TACC1: variants seen among roughly 807,000 people sequenced by gnomAD.
TACC1 encodes transforming acidic coiled-coil containing protein 1, also known as transforming acidic coiled-coil-containing protein 1.
TACC1 carries 48 observed loss-of-function variants against 84.4 expected under a neutral mutation model. The ratio of observed to expected loss-of-function variants is 0.57; its 90% CI spans 0.45 to 0.72. The LOEUF is 0.72. Among genes scored for constraint, TACC1 ranks in the 30% least tolerant of loss-of-function variants. The probability of loss-of-function intolerance (pLI) is 0.00; values close to 1 mark genes in which losing one functional copy is unlikely to be tolerated. For synonymous variants in TACC1, 372 were observed against 376.3 expected, an observed-to-expected ratio of 0.99 and a Z score of 0.13; for missense variants, 920 against 973.0, an observed-to-expected ratio of 0.95 and a Z score of 0.72.
intron 3 of TACC1, among the ~76,000 whole-genome samples, chr8:38,777,364 G>A (rs1161901877): frequency 1.3e-5 from 2 of 152,152 alleles, no homozygotes; most frequent in African/African-American, 2.4e-5. Context: ...AGCCTGGTGC[G>A]GGTTCTGTCT....
At chr8:38,765,851 A>C (rs1196773849) in intron 3 of TACC1, among the ~76,000 whole-genome samples, 3 of 152,090 alleles carry the variant, frequency 2.0e-5, no homozygotes, top group African/African-American at 7.2e-5. Flanking sequence ...AAAATAGGAC[A>C]TCTATAACTG....
chr8:38,774,444 T>C (rs1035192586), intron 3 of TACC1, among the ~76,000 whole-genome samples: 3 of 145,010 alleles, frequency 2.1e-5, no homozygotes, highest in Admixed American at 6.9e-5. Flanking sequence ...AATGAATGAA[T>C]GAACATATGT....
intron 3 of TACC1, among the ~76,000 whole-genome samples, chr8:38,821,417 A>G (rs1826785890): frequency 6.6e-6 from 1 of 152,252 alleles, no homozygotes; most frequent in African/African-American, 2.4e-5. Context: ...TCTTGTAGAA[A>G]GAAGACTTTT....
At chr8:38,770,353 G>T (rs1813332777) in intron 3 of TACC1, among the ~76,000 whole-genome samples, 1 of 152,090 alleles carries the variant, frequency 6.6e-6, no homozygotes, top group Non-Finnish European at 1.5e-5. Context: ...GAACAATCTC[G>T]AGGGGAGCGT....
rs567418540 is a variant in TACC1 at position 38,757,635 on chromosome 8, C to T, written c.26+12142C>T. On this transcript the variant is annotated intron_variant, in intron 3 of 14. Transcript: ENST00000518415. Reference sequence around the variant, plus strand: ...GACCCCACCGCGACCGGATCGCGTCCGGGCGTGACCGTGGTCCTGCCCCAG... The same window carrying T: ...GACCCCACCGCGACCGGATCGCGTCTGGGCGTGACCGTGGTCCTGCCCCAG... Among the ~76,000 whole-genome samples the T allele has an allele frequency of 9.9e-4, 150 of 152,138 alleles. 5 individuals carry two copies. In the South Asian group the frequency reaches 0.03, roughly 31 times the overall value.
intron 3 of TACC1, among the ~76,000 whole-genome samples, chr8:38,821,383 A>G (rs1241887254): frequency 6.6e-6 from 1 of 152,190 alleles, no homozygotes; most frequent in Non-Finnish European, 1.5e-5. Context: ...TAGCGTCAAT[A>G]ACGTGGGAAA....
chr8:38,756,905 C>G (rs1810153245), intron 3 of TACC1, among the ~76,000 whole-genome samples: 1 of 152,224 alleles, frequency 6.6e-6, no homozygotes, highest in Non-Finnish European at 1.5e-5. Context: ...CCCGGGGCCT[C>G]TTCCCGCGGC....
intron 3 of TACC1, among the ~76,000 whole-genome samples, chr8:38,772,698 T>C (rs573811821): frequency 6.6e-6 from 1 of 152,240 alleles, no homozygotes; most frequent in Admixed American, 6.5e-5. Context: ...TAGCAAAAGA[T>C]AATATGTATA....
intron 4 of TACC1, 33 bp from the exon 5 acceptor site, chr8:38,827,135 A>G (rs1490686669): frequency 1.3e-6 from 2 of 1,596,258 alleles, no homozygotes; most frequent in South Asian, 2.2e-5. Flanking sequence ...TTGCCCTCCT[A>G]AAGGGTAGCA....
intron 6 of TACC1, among the ~76,000 whole-genome samples, chr8:38,831,602 C>G (rs894189184): frequency 6.6e-6 from 1 of 152,082 alleles, no homozygotes; most frequent in Non-Finnish European, 1.5e-5. Context: ...CTCAAGTGAT[C>G]CTTCTACCAC....
intron 11 of TACC1, among the ~76,000 whole-genome samples, chr8:38,845,176 C>G (rs1001266537): frequency 6.6e-6 from 1 of 152,174 alleles, no homozygotes; most frequent in Non-Finnish European, 1.5e-5. Flanking sequence ...CCGCCCGCCT[C>G]GGTCTCCCAA....
At position 38,851,717 on chromosome 8, in the gene TACC1, T is replaced by G. The variant is rs1027749983; in HGVS notation, c.*3694T>G. On this transcript the variant is annotated 3_prime_UTR_variant, in exon 13 of 13. Transcript: ENST00000317827. ...TGACTTTATCCTGTTGTTAGGAAGA[T>G]AGAAACTAGGTTTTGAAAGATTACA... 1 of 315,748 alleles carries G rather than the reference T, an allele frequency of 3.2e-6. No individual in the cohort carries two copies. The highest frequency in any genetic ancestry group is 4.0e-5 in the Admixed American group (1 of 24,708). 19.6% of individuals were successfully genotyped at this position (315,748 alleles called of 1,614,324 possible). A position where few individuals can be genotyped will look rare whatever the true frequency, so the allele number is the denominator to read the frequency against.
In TACC1 at chr8:38,820,162, G is replaced by T. The variant is rs532045886; in HGVS notation, c.918G>T (p.Gly306=). 1 of 1,614,132 alleles carries T rather than the reference G, an allele frequency of 6.2e-7. No homozygotes were observed. Among genetic ancestry groups the T allele is most frequent in the South Asian group, 1.1e-5 (1 of 91,082 alleles). Residue 306 remains glycine (G), a synonymous_variant, in exon 3 of 13, where the codon GGG becomes GGT. Coordinates refer to ENST00000317827, the MANE Select transcript of TACC1 (RefSeq NM_006283.3). ...GTLSSDTNDS[G]VELGEESRSS... ...TCAGTAGTGACACCAACGACTCAGG[G>T]GTTGAGCTGGGGGAGGAGTCGAGGA...
At chr8:38,799,696 C>G (rs1820901084) in intron 2 of TACC1, 1 of 152,216 alleles carries the variant, frequency 6.6e-6, no homozygotes, top group Non-Finnish European at 1.5e-5. Context: ...TTGGCTACAT[C>G]TGTTGTGGAA....
chr8:38,846,476 C>A, intron 11 of TACC1: 5 of 428,592 alleles, frequency 1.2e-5, no homozygotes, highest in Middle Eastern at 6.6e-4. Flanking sequence ...TTATAGAAAC[C>A]ATTTGCTAGT....
intron 5 of TACC1, among the ~76,000 whole-genome samples, chr8:38,830,094 G>T (rs953556799): frequency 6.6e-6 from 1 of 152,196 alleles, no homozygotes; most frequent in African/African-American, 2.4e-5. Context: ...AGGTAGGGAG[G>T]GGGAGGTTGA....
At position 38,842,429 on chromosome 8, in the gene TACC1, T is replaced by C. The variant is rs772410412; in HGVS notation, c.2103T>C (p.Val701=). Residue 701 remains valine (V), a synonymous_variant, in exon 10 of 13, where the codon GTT becomes GTC. Coordinates refer to ENST00000317827, the MANE Select transcript of TACC1 (RefSeq NM_006283.3). ...LFRRYENLKG[V]LEGFKKNEEA... is the part of the protein sequence containing the mutation. ...GGAGATATGAGAACCTGAAAGGTGT[T>C]CTGGAAGGGTTCAAGAAGGTAGAGT... 1 of 1,612,036 alleles carries C rather than the reference T, an allele frequency of 6.2e-7. No homozygotes were observed. The highest frequency in any genetic ancestry group is 2.2e-5 in the East Asian group (1 of 44,874).
At chr8:38,778,274 TTGTG>T (rs3076914) in intron 3 of TACC1, among the ~76,000 whole-genome samples, 1 of 148,254 alleles carries the variant, frequency 6.7e-6, no homozygotes, top group Admixed American at 6.8e-5. Flanking sequence ...ATAATTAAAA[TTGTG>T]TGTGTGTGTG....
intron 1 of TACC1, among the ~76,000 whole-genome samples, chr8:38,740,891 T>C (rs894947262): frequency 2.0e-5 from 3 of 152,234 alleles, no homozygotes; most frequent in African/African-American, 2.4e-5. Flanking sequence ...GTGCTTATTC[T>C]TCCTTGTATT....
Sources: gnomAD v4.1 joint callset for allele counts (sites outside exome capture counted in the v4.1 genomes callset) on GRCh38, gnomAD v4.1.1 for gene constraint, MANE v1.5 for transcripts, NCBI Gene and HGNC (gene_info 2026-07-23, HGNC 2026-07-21) for gene names.